Variants in ZFPM1 observed in about 807,000 individuals in gnomAD.
The protein encoded by ZFPM1 is zinc finger protein ZFPM1.
Under a neutral mutation model 46.3 loss-of-function variants are expected in ZFPM1, and 28 were observed. The observed-to-expected ratio is 0.60, with a 90% confidence interval of 0.45 to 0.83. The LOEUF (loss-of-function observed/expected upper bound fraction) is 0.83, where lower values mean the gene tolerates loss of function less well. ZFPM1 is among the 40% of genes least tolerant of loss of function. ZFPM1 has a pLI of 0.00. For missense variants in ZFPM1, 1,878 were observed against 1,432.4 expected (o/e 1.31, Z -5.02); for synonymous variants, 957 against 675.9 (o/e 1.42, Z -6.45).
At chr16:88,462,684 C>T (rs936762612) in intron 1 of ZFPM1, among the ~76,000 whole-genome samples, 1 of 152,162 alleles carries the variant, frequency 6.6e-6, no homozygotes, top group African/African-American at 2.4e-5. Flanking sequence ...GTGGAGAATC[C>T]TAGACCCTCT....
chr16:88,510,365 G>A (rs932455047), intron 3 of ZFPM1, among the ~76,000 whole-genome samples: 1 of 152,206 alleles, frequency 6.6e-6, no homozygotes, highest in African/African-American at 2.4e-5. Flanking sequence ...AGCCAGCAGC[G>A]CCAAGCTCTG....
intron 4 of ZFPM1, among the ~76,000 whole-genome samples, chr16:88,524,168 C>T (rs1396465616): frequency 6.6e-6 from 1 of 152,218 alleles, no homozygotes; most frequent in Admixed American, 6.5e-5. Flanking sequence ...TAATTTTTTT[C>T]ACCCTCCTCT....
intron 3 of ZFPM1, among the ~76,000 whole-genome samples, chr16:88,494,424 C>T (rs890361212): frequency 2.0e-5 from 3 of 152,098 alleles, no homozygotes; most frequent in Non-Finnish European, 4.4e-5. Flanking sequence ...AGTGCGGCCC[C>T]GCTGTCCAAA....
In ZFPM1 at chr16:88,534,302, G is replaced by GC; in HGVS notation, c.2348dup (p.Ala784CysfsTer293). On this transcript the variant is annotated frameshift_variant, in exon 10 of 10. Transcript: ENST00000319555. LOFTEE classifies it low-confidence loss of function (END_TRUNC). ...CGGAAGCGGAAGCGGCCCCGGCCTCGCCCCTGCGCGCTCGCCCGGCCCCGC... is the reference window on the plus strand; with the variant it reads ...CGGAAGCGGAAGCGGCCCCGGCCTCGCCCCCTGCGCGCTCGCCCGGCCCCGC... 8.0e-7 allele frequency: 1 copy of GC among 1,254,680 alleles called. No individual in the cohort carries two copies. 77.7% of individuals were successfully genotyped at this position (1,254,680 alleles called of 1,614,324 possible).
chr16:88,532,567 A>G, intron 7 of ZFPM1, 47 bp from the exon 8 acceptor site: 1 of 1,534,510 alleles, frequency 6.5e-7, no homozygotes, highest in Non-Finnish European at 8.8e-7. Context: ...CTGGAGTCCC[A>G]AGGTTAAGCT....
In ZFPM1 at chr16:88,485,851, C is replaced by T. The variant is rs1327508496; in HGVS notation, c.41-88C>T. The T allele has an allele frequency of 1.3e-5, 17 of 1,280,798 alleles. No homozygotes were observed. In the South Asian group the frequency reaches 1.4e-4, roughly 11 times the overall value. The allele number at this position is 1,280,798 out of a possible 1,614,324, so 79.3% of individuals were successfully genotyped here. ...CCCATTGCCATTTCCGCCTGGGCAC[C>T]GGGGCTGTACCTATGCCAGGAGGGG... is the stretch of plus-strand genomic sequence containing the variant. On this transcript the variant is annotated intron_variant, in intron 1 of 9. Coordinates refer to ENST00000319555, the MANE Select transcript of ZFPM1 (RefSeq NM_153813.3).
chr16:88,464,765 G>A (rs1477095342), intron 1 of ZFPM1, among the ~76,000 whole-genome samples: 7 of 152,110 alleles, frequency 4.6e-5, no homozygotes, highest in Admixed American at 6.5e-5. Flanking sequence ...CAGCTCCTGC[G>A]ATAACTGGGA....
intron 1 of ZFPM1, among the ~76,000 whole-genome samples, chr16:88,483,997 G>C (rs917105769): frequency 3.3e-5 from 5 of 152,208 alleles, no homozygotes; most frequent in African/African-American, 1.2e-4. Context: ...GGCGTTGGAC[G>C]CTGGCGGGTG....
In ZFPM1 at chr16:88,469,095, C is replaced by A. The variant is rs1294462293; in HGVS notation, c.40+15417C>A. 1 of 154,312 alleles carries A rather than the reference C, an allele frequency of 6.5e-6. No homozygotes were observed. The highest frequency in any genetic ancestry group is 2.4e-5 in the African/African-American group (1 of 41,524). The allele number at this position is 154,312 out of a possible 1,614,324, so 9.6% of individuals were successfully genotyped here. A position where few individuals can be genotyped will look rare whatever the true frequency, so the allele number is the denominator to read the frequency against. The stretch of plus-strand genomic sequence containing the variant: ...TCCCAGATGGGAACAGCGAGTTTCA[C>A]AACCCGGCAGGGACGGCCCTGGGGC... On this transcript the variant is annotated intron_variant, in intron 1 of 9. Coordinates refer to ENST00000319555, the MANE Select transcript of ZFPM1 (RefSeq NM_153813.3). The surrounding 1 kb of genome is among the most constrained non-coding windows in gnomAD (Gnocchi z 4.3).
At chr16:88,506,796 C>T (rs979089642) in intron 3 of ZFPM1, among the ~76,000 whole-genome samples, 1 of 152,188 alleles carries the variant, frequency 6.6e-6, no homozygotes, top group African/African-American at 2.4e-5. Context: ...GGTGGGAGCC[C>T]TCATCAGGCC....
At chr16:88,516,163 G>C in intron 4 of ZFPM1, 1 of 398,616 alleles carries the variant, frequency 2.5e-6, no homozygotes, top group Non-Finnish European at 4.4e-6. Context: ...AAATACCCAG[G>C]ATCAAACAGC....
intron 3 of ZFPM1, among the ~76,000 whole-genome samples, chr16:88,495,447 T>G (rs987974660): frequency 1.3e-5 from 2 of 152,216 alleles, no homozygotes; most frequent in African/African-American, 4.8e-5. Flanking sequence ...GAGGCCTCAC[T>G]TGTCCGTCCT....
At chr16:88,484,505 A>C (rs985862143) in intron 1 of ZFPM1, among the ~76,000 whole-genome samples, 1 of 152,092 alleles carries the variant, frequency 6.6e-6, no homozygotes, top group Admixed American at 6.5e-5. Context: ...TGCTGTGACC[A>C]TGGGGCTTGG....
At chr16:88,526,042 C>T (rs1264482579) in intron 4 of ZFPM1, among the ~76,000 whole-genome samples, 1 of 152,186 alleles carries the variant, frequency 6.6e-6, no homozygotes, top group East Asian at 1.9e-4. Context: ...GCCTGCTTTC[C>T]AGGGTGACAG....
At chr16:88,491,648 G>A (rs552660325) in intron 3 of ZFPM1, among the ~76,000 whole-genome samples, 10 of 152,322 alleles carry the variant, frequency 6.6e-5, no homozygotes, top group Middle Eastern at 3.4e-3. Context: ...GCCTGGCGCC[G>A]GGAAGGGCCG....
chr16:88,499,788 G>A (rs1279545362), intron 3 of ZFPM1, among the ~76,000 whole-genome samples: 2 of 152,182 alleles, frequency 1.3e-5, no homozygotes, highest in Non-Finnish European at 2.9e-5. Context: ...TGGGCACAGA[G>A]CCCACAGGCC....
At chr16:88,527,045 C>T (rs1224047108) in intron 5 of ZFPM1, 129 bp downstream of exon 5, 40 of 1,402,952 alleles carry the variant, frequency 2.9e-5, no homozygotes, top group Non-Finnish European at 3.5e-5. Context: ...GAGCTGCTGG[C>T]CCCGGGCGCT....
chr16:88,456,670 A>G (rs1470762796), intron 1 of ZFPM1, among the ~76,000 whole-genome samples: 1 of 152,188 alleles, frequency 6.6e-6, no homozygotes, highest in Non-Finnish European at 1.5e-5. Flanking sequence ...TCGGGGGAGC[A>G]AGGGCTGAGA....
At chr16:88,490,155 G>A (rs936876008) in intron 3 of ZFPM1, among the ~76,000 whole-genome samples, 7 of 151,922 alleles carry the variant, frequency 4.6e-5, no homozygotes, top group East Asian at 3.9e-4. Flanking sequence ...CCAGGTTCAC[G>A]CCATTCTCCT....
Sources: gnomAD v4.1 joint callset for allele counts (sites outside exome capture counted in the v4.1 genomes callset) on GRCh38, gnomAD v4.1.1 for gene constraint, Gnocchi (gnomAD v3.1) non-coding constraint, MANE v1.5 for transcripts, NCBI Gene and HGNC (gene_info 2026-07-23, HGNC 2026-07-21) for gene names.